The following LEF1 variants were observed in gnomAD, a reference collection of about 807,000 sequenced individuals.
LEF1 encodes the protein lymphoid enhancer-binding factor 1.
Under a neutral mutation model 51.2 loss-of-function variants are expected in LEF1, and 14 were observed. The observed-to-expected ratio is 0.27, with a 90% CI of 0.18 to 0.43. The LOEUF (loss-of-function observed/expected upper bound fraction) is 0.43, where lower values mean the gene tolerates loss of function less well. Among genes scored for constraint, LEF1 ranks in the 20% least tolerant of loss-of-function variants. The pLI is 1.00. For synonymous variants in LEF1, 185 were observed against 183.2 expected (o/e 1.01, Z -0.08); for missense variants, 386 against 512.0 (o/e 0.75, Z 2.37).
intron 11 of LEF1, among the ~76,000 whole-genome samples, chr4:108,056,906 CAAAAA>C (rs58289441): frequency 2.4e-5 from 2 of 84,990 alleles, no homozygotes; most frequent in African/African-American, 8.6e-5. Context: ...GGCCACTATT[CAAAAA>C]AAAAAAAAAA....
intron 3 of LEF1, among the ~76,000 whole-genome samples, chr4:108,147,233 C>T (rs1744051112): frequency 6.6e-6 from 1 of 151,904 alleles, no homozygotes; most frequent in Non-Finnish European, 1.5e-5. Flanking sequence ...TTTTCCTCTA[C>T]CACGAGATTA....
chr4:108,086,602 A>T (rs895977981), intron 4 of LEF1, among the ~76,000 whole-genome samples: 1 of 152,202 alleles, frequency 6.6e-6, no homozygotes, highest in Non-Finnish European at 1.5e-5. Flanking sequence ...ATAAAATAAG[A>T]ATAGGACTGT....
intron 1 of LEF1, chr4:108,166,154 C>T (rs1745375135): frequency 2.1e-6 from 2 of 938,608 alleles, no homozygotes; most frequent in East Asian, 6.0e-5. Flanking sequence ...AAATCTTTTA[C>T]GCGGGGTTAG....
At chr4:108,133,359 G>A (rs1452476551) in intron 3 of LEF1, among the ~76,000 whole-genome samples, 1 of 152,170 alleles carries the variant, frequency 6.6e-6, no homozygotes, top group Non-Finnish European at 1.5e-5. Context: ...CAGTGACTAT[G>A]TAATCATGGA....
At chr4:108,089,531 C>T (rs1739870549) in intron 3 of LEF1, among the ~76,000 whole-genome samples, 2 of 152,178 alleles carry the variant, frequency 1.3e-5, no homozygotes, top group African/African-American at 4.8e-5. Context: ...CACTACTCTT[C>T]CATATGGCAT....
At position 108,168,122 on chromosome 4, in the gene LEF1, C is replaced by T. The variant is rs1330219879; in HGVS notation, c.-355G>A. The T allele has an allele frequency of 6.5e-6, 1 of 152,788 alleles. No individual in the cohort carries two copies. The highest frequency in any genetic ancestry group is 6.5e-5 in the Admixed American group (1 of 15,316). 9.5% of individuals were successfully genotyped at this position (152,788 alleles called of 1,614,324 possible). A position where few individuals can be genotyped will look rare whatever the true frequency, so the allele number is the denominator to read the frequency against. On this transcript the variant is annotated 5_prime_UTR_variant, in exon 1 of 12. Coordinates refer to ENST00000265165, the MANE Select transcript of LEF1 (RefSeq NM_016269.5). The surrounding 1 kb of genome is among the most constrained non-coding windows in gnomAD (Gnocchi z 4.6). ...CTGCCCCGGCGGCCACCCCGCGACC[C>T]CGCGTCGCCGGGATTTGCGCGCGGA... is the stretch of plus-strand genomic sequence containing the variant.
At chr4:108,068,181 C>A (rs1185817483) in intron 9 of LEF1, among the ~76,000 whole-genome samples, 2 of 151,954 alleles carry the variant, frequency 1.3e-5, no homozygotes, top group African/African-American at 4.8e-5. Flanking sequence ...GCTGGAGAAT[C>A]GCTTAAACCT....
intron 8 of LEF1, among the ~76,000 whole-genome samples, chr4:108,076,249 CTATT>C (rs1311278163): frequency 2.0e-5 from 3 of 152,204 alleles, no homozygotes; most frequent in Non-Finnish European, 2.9e-5. Flanking sequence ...TATTTATTGG[CTATT>C]TATTTGTCTA....
At chr4:108,054,486 C>T (rs780923237) in intron 11 of LEF1, among the ~76,000 whole-genome samples, 3 of 152,312 alleles carry the variant, frequency 2.0e-5, no homozygotes, top group South Asian at 2.1e-4. Context: ...CTGTCCCCTC[C>T]ACCCCACAAT....
At chr4:108,154,657 G>T (rs1336155942) in intron 3 of LEF1, among the ~76,000 whole-genome samples, 3 of 151,902 alleles carry the variant, frequency 2.0e-5, no homozygotes, top group African/African-American at 7.3e-5. Context: ...TTCATATTTT[G>T]GTTTTGTTAC....
intron 3 of LEF1, among the ~76,000 whole-genome samples, chr4:108,137,289 TAA>T (rs1743359794): frequency 6.6e-6 from 1 of 152,108 alleles, no homozygotes; most frequent in Admixed American, 6.5e-5. Flanking sequence ...GGGTGAGGGA[TAA>T]AAGACTCCAC....
chr4:108,053,988 G>A (rs977376930), intron 11 of LEF1, among the ~76,000 whole-genome samples: 1 of 152,160 alleles, frequency 6.6e-6, no homozygotes, highest in East Asian at 1.9e-4. Flanking sequence ...ACAGGATCAG[G>A]GCACACTTTG....
At chr4:108,130,405 T>C (rs2110349841) in intron 3 of LEF1, among the ~76,000 whole-genome samples, 1 of 152,208 alleles carries the variant, frequency 6.6e-6, no homozygotes, top group South Asian at 2.1e-4. Context: ...GATGATATTA[T>C]TAACTGTTTA....
intron 11 of LEF1, among the ~76,000 whole-genome samples, chr4:108,053,302 C>T (rs952456453): frequency 3.9e-5 from 6 of 152,178 alleles, no homozygotes; most frequent in African/African-American, 1.2e-4. Flanking sequence ...AAACATTACC[C>T]AACATTTGAG....
At chr4:108,166,679 G>T (rs1191244104) in intron 1 of LEF1, 2 of 999,696 alleles carry the variant, frequency 2.0e-6, no homozygotes, top group Non-Finnish European at 2.4e-6. Flanking sequence ...CCCGCAGCGG[G>T]CCAGAAGACC....
intron 3 of LEF1, among the ~76,000 whole-genome samples, chr4:108,131,553 T>C (rs191457098): frequency 1.9e-4 from 29 of 152,244 alleles, no homozygotes; most frequent in Admixed American, 1.8e-3. Flanking sequence ...AGCAACAGCA[T>C]CAAAGCCAAT....
intron 5 of LEF1, among the ~76,000 whole-genome samples, chr4:108,082,492 T>A (rs1739374108): frequency 1.3e-5 from 2 of 152,068 alleles, no homozygotes; most frequent in Admixed American, 6.5e-5. Flanking sequence ...AGAAGGATAA[T>A]GCAAGGATGT....
At position 108,085,608 on chromosome 4, in the gene LEF1, C is replaced by G. The variant is rs537176350; in HGVS notation, c.548-2162G>C. Among the ~76,000 whole-genome samples, 9 of 152,252 alleles carry G rather than the reference C, an allele frequency of 5.9e-5. No individual in the cohort carries two copies. The East Asian group carries it at 1.7e-3, about 29-fold the overall frequency. ...GTAGTGATACTGTTCAGAAGTGATT[C>G]AACAGAACAAAAAATACCAACTAGT... On this transcript the variant is annotated intron_variant, in intron 4 of 11. Transcript: ENST00000265165.
intron 4 of LEF1, among the ~76,000 whole-genome samples, chr4:108,088,791 A>T (rs933571338): frequency 6.6e-6 from 1 of 152,184 alleles, no homozygotes; most frequent in Non-Finnish European, 1.5e-5. Flanking sequence ...ACCAGCATCA[A>T]TATCTTGTAC....
Sources: gnomAD v4.1 joint callset for allele counts (sites outside exome capture counted in the v4.1 genomes callset) on GRCh38, gnomAD v4.1.1 for gene constraint, Gnocchi (gnomAD v3.1) non-coding constraint, MANE v1.5 for transcripts, NCBI Gene and HGNC (gene_info 2026-07-23, HGNC 2026-07-21) for gene names.